Variants in FANCC observed in about 807,000 individuals in gnomAD.
FANCC encodes Fanconi anemia group C protein.
A neutral mutation model predicts 71.3 loss-of-function variants in FANCC; 55 were observed. That is an observed-to-expected ratio of 0.77 (90% confidence interval 0.62 to 0.97). The LOEUF (loss-of-function observed/expected upper bound fraction) is 0.97. FANCC is among the 50% of genes least tolerant of loss of function. The pLI, the probability that FANCC is intolerant of heterozygous loss-of-function variation, is 0.00. For synonymous variants in FANCC, 275 were observed against 244.9 expected, an observed-to-expected ratio of 1.12 and a Z score of -1.15; for missense variants, 678 against 670.9, an observed-to-expected ratio of 1.01 and a Z score of -0.12.
chr9:95,130,282 C>CTG (rs546006621), intron 8 of FANCC, among the ~76,000 whole-genome samples: 2,782 of 146,852 alleles, frequency 0.019, 43 homozygotes, highest in East Asian at 0.061. Flanking sequence ...TTTGCTGATT[C>CTG]TGTGTGTGTG....
chr9:95,284,879 C>T (rs11507037), intron 1 of FANCC, among the ~76,000 whole-genome samples: 7 of 78,528 alleles, frequency 8.9e-5, no homozygotes, highest in African/African-American at 5.1e-4. Context: ...CACACACATA[C>T]ACACACACAC....
chr9:95,198,906 T>C (rs1417756644), intron 4 of FANCC, among the ~76,000 whole-genome samples: 2 of 151,950 alleles, frequency 1.3e-5, no homozygotes, highest in East Asian at 3.9e-4. Context: ...CCTGGCTAAC[T>C]TTTAAACTTT....
At chr9:95,127,234 T>TG (rs1265191178) in intron 8 of FANCC, 3 of 152,814 alleles carry the variant, frequency 2.0e-5, no homozygotes. Flanking sequence ...CCCTGGGAGC[T>TG]GGGGGGAGCT....
chr9:95,132,975 C>A (rs1338150349), intron 8 of FANCC, among the ~76,000 whole-genome samples: 2 of 152,224 alleles, frequency 1.3e-5, no homozygotes, highest in Non-Finnish European at 2.9e-5. Context: ...ACTTTAATTA[C>A]TCTCAGAATC....
At chr9:95,290,702 C>T (rs1289927183) in intron 1 of FANCC, among the ~76,000 whole-genome samples, 4 of 152,120 alleles carry the variant, frequency 2.6e-5, no homozygotes, top group Non-Finnish European at 5.9e-5. Flanking sequence ...GTCCTAAAAG[C>T]AGACAGAGAT....
intron 3 of FANCC, among the ~76,000 whole-genome samples, chr9:95,242,600 T>C (rs1830703287): frequency 6.6e-6 from 1 of 151,912 alleles, no homozygotes; most frequent in Non-Finnish European, 1.5e-5. Context: ...CAAACTTAGT[T>C]CAAAAGGTAT....
chr9:95,186,916 T>C (rs995530919), intron 4 of FANCC, among the ~76,000 whole-genome samples: 3 of 151,502 alleles, frequency 2.0e-5, no homozygotes, highest in Non-Finnish European at 4.4e-5. Context: ...CTCAGCCTCC[T>C]GAGTAGCTGG....
intron 4 of FANCC, among the ~76,000 whole-genome samples, chr9:95,174,013 AT>A (rs1825855249): frequency 6.6e-6 from 1 of 152,250 alleles, no homozygotes; most frequent in Admixed American, 6.5e-5. Context: ...CAATATAAAA[AT>A]AATCCATAAA....
At chr9:95,147,350 C>G (rs1829703450) in intron 7 of FANCC, among the ~76,000 whole-genome samples, 1 of 152,122 alleles carries the variant, frequency 6.6e-6, no homozygotes, top group East Asian at 1.9e-4. Context: ...AACCCTGTCT[C>G]TACTAAAAAC....
chr9:95,180,171 C>A (rs1339416492), intron 4 of FANCC, among the ~76,000 whole-genome samples: 1 of 152,098 alleles, frequency 6.6e-6, no homozygotes, highest in Non-Finnish European at 1.5e-5. Context: ...TACACAGGGT[C>A]AGGTAATTAA....
intron 1 of FANCC, among the ~76,000 whole-genome samples, chr9:95,262,461 A>T (rs977163475): frequency 6.6e-5 from 10 of 152,226 alleles, no homozygotes; most frequent in African/African-American, 2.4e-4. Context: ...GCTACTATCA[A>T]GAAAACAACG....
At chr9:95,257,461 T>TA (rs1481454152) in intron 1 of FANCC, among the ~76,000 whole-genome samples, 2 of 152,166 alleles carry the variant, frequency 1.3e-5, no homozygotes, top group Middle Eastern at 3.4e-3. Context: ...AAGGCAGAAA[T>TA]AAAGAAGTTA....
intron 1 of FANCC, among the ~76,000 whole-genome samples, chr9:95,311,845 CATAA>C (rs1265732344): frequency 1.3e-5 from 2 of 152,002 alleles, no homozygotes; most frequent in Non-Finnish European, 2.9e-5. Flanking sequence ...TTATATCACA[CATAA>C]ATGTTTCTGA....
In FANCC at chr9:95,101,625, C is replaced by G. The variant is rs529828813; in HGVS notation, c.*82G>C. On this transcript the variant is annotated 3_prime_UTR_variant, in exon 15 of 15. Coordinates refer to ENST00000289081, the MANE Select transcript of FANCC (RefSeq NM_000136.3). ...AGCGAGGGCACTTACTCCACAAATGCGTGGCCACAGGTCATCACCTGTCCT... is the reference window on the plus strand; with the variant it reads ...AGCGAGGGCACTTACTCCACAAATGGGTGGCCACAGGTCATCACCTGTCCT... The G allele has an allele frequency of 6.4e-7, 1 of 1,566,648 alleles. No homozygotes were observed. Among genetic ancestry groups the G allele is most frequent in the African/African-American group, 1.4e-5 (1 of 73,948 alleles).
chr9:95,144,038 T>C (rs1438641174), intron 7 of FANCC, among the ~76,000 whole-genome samples: 16 of 151,560 alleles, frequency 1.1e-4, no homozygotes, highest in African/African-American at 3.7e-4. Context: ...ACTGGTGTAC[T>C]GTGGTAAGCA....
chr9:95,207,767 C>A (rs1396044160), intron 4 of FANCC, among the ~76,000 whole-genome samples: 1 of 152,122 alleles, frequency 6.6e-6, no homozygotes, highest in Non-Finnish European at 1.5e-5. Flanking sequence ...AGATAAGAAA[C>A]AACACAAAGC....
intron 4 of FANCC, among the ~76,000 whole-genome samples, chr9:95,189,432 C>G (rs1193405641): frequency 6.6e-6 from 1 of 152,150 alleles, no homozygotes; most frequent in Non-Finnish European, 1.5e-5. Context: ...TGACAGAACA[C>G]AATTCACAGA....
At chr9:95,254,904 C>A (rs1831566507) in intron 1 of FANCC, among the ~76,000 whole-genome samples, 1 of 152,126 alleles carries the variant, frequency 6.6e-6, no homozygotes, top group Non-Finnish European at 1.5e-5. Flanking sequence ...AGGGGCGTCC[C>A]CCATTACTGA....
chr9:95,256,142 C>T (rs1441776521), intron 1 of FANCC, among the ~76,000 whole-genome samples: 1 of 152,138 alleles, frequency 6.6e-6, no homozygotes, highest in Non-Finnish European at 1.5e-5. Context: ...AGGAGAACTT[C>T]CCTAACCTAC....
Sources: gnomAD v4.1 joint callset for allele counts (sites outside exome capture counted in the v4.1 genomes callset) on GRCh38, gnomAD v4.1.1 for gene constraint, MANE v1.5 for transcripts, NCBI Gene and HGNC (gene_info 2026-07-23, HGNC 2026-07-21) for gene names.